The following DSCAM variants were observed in gnomAD, a reference collection of about 807,000 sequenced individuals.
The protein encoded by DSCAM is DS cell adhesion molecule.
DSCAM carries 47 observed loss-of-function variants against 217.7 expected under a neutral mutation model. The observed-to-expected ratio is 0.22, with a 90% CI of 0.17 to 0.28. DSCAM has a LOEUF of 0.28. Ranked by LOEUF, DSCAM falls within the 10% of genes least tolerant of loss-of-function variation. The probability of loss-of-function intolerance (pLI) is 1.00; values close to 1 mark genes in which losing one functional copy is unlikely to be tolerated. For missense variants in DSCAM, 2,080 were observed against 2,618.3 expected (o/e 0.79, Z 4.49); for synonymous variants, 1,056 against 1,015.3 (o/e 1.04, Z -0.76).
At chr21:40,193,593 T>C (rs962392193) in intron 11 of DSCAM, among the ~76,000 whole-genome samples, 14 of 152,176 alleles carry the variant, frequency 9.2e-5, no homozygotes, top group Non-Finnish European at 1.9e-4. Flanking sequence ...CTGATGAGTG[T>C]CCTGATTCCT....
At chr21:40,768,380 C>T (rs1406758781) in intron 1 of DSCAM, among the ~76,000 whole-genome samples, 1 of 149,666 alleles carries the variant, frequency 6.7e-6, no homozygotes, top group Admixed American at 6.7e-5. Flanking sequence ...GCTTCAGAAC[C>T]TATCTGTCCT....
In DSCAM at chr21:40,614,523, G is replaced by A. The variant is rs75599928; in HGVS notation, c.508+78287C>T. Reference sequence around the variant, plus strand: ...TGAAATTTGGAACAACTTTTATGGAGGATAACTGGCCATGAGTTTCAATTG... The same window carrying A: ...TGAAATTTGGAACAACTTTTATGGAAGATAACTGGCCATGAGTTTCAATTG... On this transcript the variant is annotated intron_variant, in intron 3 of 32. Coordinates refer to ENST00000400454, the MANE Select transcript of DSCAM (RefSeq NM_001389.5). Among the ~76,000 whole-genome samples the A allele has an allele frequency of 3.3e-3, 502 of 152,230 alleles. 28 individuals are homozygous for A. In the East Asian group the frequency reaches 0.087, roughly 27 times the overall value.
intron 4 of DSCAM, among the ~76,000 whole-genome samples, chr21:40,364,434 A>C (rs1356706312): frequency 2.0e-5 from 3 of 151,094 alleles, no homozygotes; most frequent in Admixed American, 6.6e-5. Flanking sequence ...AAGGACAAAA[A>C]ACCAAACACC....
chr21:40,720,591 T>C (rs2090890823), intron 1 of DSCAM, among the ~76,000 whole-genome samples: 1 of 152,098 alleles, frequency 6.6e-6, no homozygotes, highest in African/African-American at 2.4e-5. Context: ...ATTCTGTCTC[T>C]GTCCATCATA....
intron 9 of DSCAM, among the ~76,000 whole-genome samples, chr21:40,309,241 G>A (rs577601215): frequency 1.3e-5 from 2 of 152,044 alleles, no homozygotes; most frequent in Non-Finnish European, 2.9e-5. Context: ...CTTTTCTGAA[G>A]CTCCTCTAAT....
intron 27 of DSCAM, among the ~76,000 whole-genome samples, chr21:40,067,707 T>G (rs1447487230): frequency 2.0e-5 from 1 of 50,554 alleles, no homozygotes; most frequent in Admixed American, 2.1e-4. Context: ...TCCCTTCCCC[T>G]CCCCTCCCCT....
At position 40,677,061 on chromosome 21, in the gene DSCAM, G is replaced by A. The variant is rs565710527; in HGVS notation, c.508+15749C>T. Among the ~76,000 whole-genome samples the A allele has an allele frequency of 5.3e-5, 8 of 152,048 alleles. 1 individual carries two copies. In the South Asian group the frequency reaches 1.0e-3, roughly 20 times the overall value. ...TAAAAATTTCACCATCTAATTAGCC[G>A]GGGGGGAATCTCAGTATGGCCTTTC... On this transcript the variant is annotated intron_variant, in intron 3 of 32. Coordinates refer to ENST00000400454, the MANE Select transcript of DSCAM (RefSeq NM_001389.5).
At chr21:40,711,281 G>T (rs1335724454) in intron 1 of DSCAM, among the ~76,000 whole-genome samples, 2 of 152,104 alleles carry the variant, frequency 1.3e-5, no homozygotes, top group African/African-American at 2.4e-5. Context: ...CTATGTGCTG[G>T]GGTTGCTACT....
chr21:40,511,939 C>T (rs898560308), intron 3 of DSCAM, among the ~76,000 whole-genome samples: 3 of 144,980 alleles, frequency 2.1e-5, no homozygotes, highest in Non-Finnish European at 3.0e-5. Context: ...TGCAGTGAGC[C>T]GAGATCGCGC....
chr21:40,257,674 T>C (rs2073392874), intron 11 of DSCAM, among the ~76,000 whole-genome samples: 1 of 152,058 alleles, frequency 6.6e-6, no homozygotes, highest in Admixed American at 6.6e-5. Context: ...AATTTTACAG[T>C]GGCACATGAG....
At chr21:40,483,558 CA>C (rs2076000494) in intron 3 of DSCAM, among the ~76,000 whole-genome samples, 1 of 152,126 alleles carries the variant, frequency 6.6e-6, no homozygotes, top group African/African-American at 2.4e-5. Flanking sequence ...CCTGATTACA[CA>C]ATGATAATTT....
intron 9 of DSCAM, among the ~76,000 whole-genome samples, chr21:40,308,837 T>C (rs1282060284): frequency 6.6e-6 from 1 of 152,164 alleles, no homozygotes; most frequent in African/African-American, 2.4e-5. Context: ...TTTTTGTTTT[T>C]CCACTTCTTT....
chr21:40,208,401 C>G (rs2091148088), intron 11 of DSCAM, among the ~76,000 whole-genome samples: 1 of 152,244 alleles, frequency 6.6e-6, no homozygotes, highest in Non-Finnish European at 1.5e-5. Context: ...CTGCAGTGAG[C>G]TGAGATTGCG....
At chr21:40,521,076 C>T (rs974887669) in intron 3 of DSCAM, among the ~76,000 whole-genome samples, 11 of 152,198 alleles carry the variant, frequency 7.2e-5, no homozygotes, top group Non-Finnish European at 1.2e-4. Flanking sequence ...TTCAAGAATC[C>T]CTACTGTATG....
chr21:40,250,518 C>T (rs2073288872), intron 11 of DSCAM, among the ~76,000 whole-genome samples: 1 of 152,162 alleles, frequency 6.6e-6, no homozygotes, highest in Non-Finnish European at 1.5e-5. Context: ...AGATGGCCTG[C>T]TAATACAGTG....
chr21:40,231,636 G>C (rs1007890199), intron 11 of DSCAM, among the ~76,000 whole-genome samples: 1 of 149,560 alleles, frequency 6.7e-6, no homozygotes, highest in Non-Finnish European at 1.5e-5. Context: ...CCAAGTAGCT[G>C]GGGTTACAGG....
chr21:40,664,592 A>G (rs547212934), intron 3 of DSCAM, among the ~76,000 whole-genome samples: 29 of 152,318 alleles, frequency 1.9e-4, no homozygotes, highest in Non-Finnish European at 3.7e-4. Context: ...CTGTGAGAGG[A>G]AGTGTTCCAT....
chr21:40,353,179 C>T (rs918643794), intron 5 of DSCAM, among the ~76,000 whole-genome samples: 1 of 152,180 alleles, frequency 6.6e-6, no homozygotes, highest in Non-Finnish European at 1.5e-5. Context: ...ATCTTGAAAT[C>T]ATATCTTGGA....
chr21:40,628,705 CTATCTATCTATCTATCT>C (rs1367614421), intron 3 of DSCAM, among the ~76,000 whole-genome samples: 4 of 4,942 alleles, frequency 8.1e-4, no homozygotes, highest in African/African-American at 1.7e-3. Context: ...ATCTATCTAT[CTATCTATCTATCTATCT>C]ATCTATCTAT....
Sources: gnomAD v4.1 joint callset for allele counts (sites outside exome capture counted in the v4.1 genomes callset) on GRCh38, gnomAD v4.1.1 for gene constraint, MANE v1.5 for transcripts, NCBI Gene and HGNC (gene_info 2026-07-23, HGNC 2026-07-21) for gene names.